HSD17B6: variants seen among roughly 807,000 people sequenced by gnomAD.
HSD17B6 encodes the protein hydroxysteroid 17-beta dehydrogenase 6.
Under a neutral mutation model 26.4 loss-of-function variants are expected in HSD17B6, and 16 were observed. That is an observed-to-expected ratio of 0.61 (90% CI 0.41 to 0.92). The LOEUF (loss-of-function observed/expected upper bound fraction) is 0.92. HSD17B6 is among the 40% of genes least tolerant of loss of function. The probability of loss-of-function intolerance (pLI) is 0.00; values close to 1 mark genes in which losing one functional copy is unlikely to be tolerated. For missense variants in HSD17B6, 357 were observed against 386.1 expected (o/e 0.92, Z 0.63); for synonymous variants, 139 against 153.0 (o/e 0.91, Z 0.68).
At chr12:56,775,084 A>T (rs573959353) in intron 2 of HSD17B6, among the ~76,000 whole-genome samples, 1 of 152,378 alleles carries the variant, frequency 6.6e-6, no homozygotes, top group South Asian at 2.1e-4. Flanking sequence ...GACTGTGTGT[A>T]TCAAAGCTGA....
intron 2 of HSD17B6, among the ~76,000 whole-genome samples, chr12:56,780,764 G>T (rs1359856024): frequency 6.6e-6 from 1 of 151,648 alleles, no homozygotes; most frequent in African/African-American, 2.4e-5. Flanking sequence ...CAGGAGAATG[G>T]GGTGAACCCG....
intron 2 of HSD17B6, among the ~76,000 whole-genome samples, chr12:56,777,453 C>T (rs1954617646): frequency 6.7e-6 from 1 of 150,372 alleles, no homozygotes; most frequent in Middle Eastern, 3.6e-3. Flanking sequence ...CAAACTCCGC[C>T]TCCCAGGTTC....
At chr12:56,778,529 G>A (rs1954639819) in intron 2 of HSD17B6, among the ~76,000 whole-genome samples, 1 of 151,932 alleles carries the variant, frequency 6.6e-6, no homozygotes, top group Non-Finnish European at 1.5e-5. Flanking sequence ...CGCCCGCCTC[G>A]GCCTCCCAAA....
At position 56,781,981 on chromosome 12, in the gene HSD17B6, G is replaced by A; in HGVS notation, c.321G>A (p.Trp107Ter). The A allele has an allele frequency of 6.2e-6, 10 of 1,613,804 alleles. No individual in the cohort carries two copies. Among genetic ancestry groups the A allele is most frequent in the Non-Finnish European group, 8.5e-6 (10 of 1,179,858 alleles). ...GACTTTTAATTGTTTTAGGACTCTG[G>A]GGACTGGTGAACAATGCAGGCATTC... is the stretch of plus-strand genomic sequence containing the variant. ...VKEHVGDRGL[W>*]GLVNNAGILT... Residue 107 changes from tryptophan (W) to a stop codon, truncating the protein, a stop_gained, in exon 3 of 5, where the codon TGG (tryptophan) becomes TGA (stop). Coordinates refer to ENST00000322165, the MANE Select transcript of HSD17B6 (RefSeq NM_003725.4). LOFTEE classifies it high-confidence loss of function.
chr12:56,782,112 T>C lies in HSD17B6; in HGVS notation c.452T>C (p.Leu151Ser), dbSNP rs771594241. 56 of 1,614,098 alleles carry C rather than the reference T, an allele frequency of 3.5e-5. No homozygotes were observed. The highest frequency in any genetic ancestry group is 4.2e-5 in the Non-Finnish European group (49 of 1,180,054). ...CAGGTGACCTTGAGCATGCTTCCTT[T>C]GGTGAGGAGAGCACGGGGAAGAATT... ...VIQVTLSMLP[L>S]VRRARGRIVN... The change falls in exon 3 of 5, where the codon TTG becomes TCG. Residue 151 changes from leucine to serine, a missense_variant. Coordinates refer to ENST00000322165, the MANE Select transcript of HSD17B6 (RefSeq NM_003725.4).
Position 56,787,220 on chromosome 12 carries a change from C to G in HSD17B6, c.832C>G (p.Arg278Gly), listed in dbSNP as rs370623268. ...ACATGCTCTGACATCGGTGCATCCG[C>G]GAACTCGATATTCAGCTGGCTGGGA... Reference protein sequence around the residue: ...MEHALTSVHPRTRYSAGWDAK... With the variant: ...MEHALTSVHPGTRYSAGWDAK... Residue 278 changes from arginine to glycine, a missense_variant, in exon 5 of 5, where the codon CGA becomes GGA. Arg to Gly is a moderately radical substitution (Grantham distance 125). Transcript: ENST00000322165. The G allele has an allele frequency of 6.2e-7, 1 of 1,614,134 alleles. No individual in the cohort carries two copies. The highest frequency in any genetic ancestry group is 1.1e-5 in the South Asian group (1 of 91,086).
intron 1 of HSD17B6, among the ~76,000 whole-genome samples, chr12:56,767,574 C>T (rs1358903076): frequency 6.9e-6 from 1 of 143,972 alleles, no homozygotes; most frequent in East Asian, 2.0e-4. Flanking sequence ...CATATACCCT[C>T]TATTGTGTAT....
At chr12:56,767,661 T>C (rs1424027586) in intron 1 of HSD17B6, among the ~76,000 whole-genome samples, 2 of 144,664 alleles carry the variant, frequency 1.4e-5, no homozygotes, top group Non-Finnish European at 3.0e-5. Flanking sequence ...ATATTATATA[T>C]ATAGTGTATA....
rs1954738948 is a variant in HSD17B6 at position 56,782,336 on chromosome 12, A to G, written c.572+104A>G. On this transcript the variant is annotated intron_variant, in intron 3 of 4. Transcript: ENST00000322165. The stretch of plus-strand genomic sequence containing the variant: ...TTATTTCATCACTCCTCAAATCTTG[A>G]TACATAGATATTATTACTAGTCTAT... 3.2e-5 allele frequency: 33 copies of G among 1,046,684 alleles called. No homozygotes were observed. In the South Asian group the frequency reaches 5.3e-4, roughly 17 times the overall value. 64.8% of individuals were successfully genotyped at this position (1,046,684 alleles called of 1,614,324 possible). A position where few individuals can be genotyped will look rare whatever the true frequency, so the allele number is the denominator to read the frequency against.
At chr12:56,780,281 G>C (rs1169467582) in intron 2 of HSD17B6, among the ~76,000 whole-genome samples, 1 of 152,180 alleles carries the variant, frequency 6.6e-6, no homozygotes, top group Non-Finnish European at 1.5e-5. Flanking sequence ...CTCCCCATCT[G>C]ATTGGGAATA....
chr12:56,783,482 G>A (rs1400915636), intron 3 of HSD17B6, among the ~76,000 whole-genome samples: 2 of 145,202 alleles, frequency 1.4e-5, no homozygotes, highest in African/African-American at 2.6e-5. Flanking sequence ...GCAGCTGGCC[G>A]GGCGGGGAGC....
chr12:56,772,553 C>T (rs535289415), intron 1 of HSD17B6, among the ~76,000 whole-genome samples: 14 of 151,666 alleles, frequency 9.2e-5, no homozygotes, highest in Middle Eastern at 3.4e-3. Context: ...AAAATTAGCC[C>T]GGCTTGGTGG....
intron 2 of HSD17B6, among the ~76,000 whole-genome samples, chr12:56,779,373 A>G (rs1954663941): frequency 6.6e-6 from 1 of 152,108 alleles, no homozygotes; most frequent in South Asian, 2.1e-4. Flanking sequence ...CCTGGTCTCA[A>G]GTGATCTTAA....
At chr12:56,785,790 G>A (rs780087844) in intron 4 of HSD17B6, 6 of 172,922 alleles carry the variant, frequency 3.5e-5, no homozygotes, top group Non-Finnish European at 6.9e-5. Flanking sequence ...CACAAACTAT[G>A]TGTCTTAATG....
chr12:56,774,127 C>T lies in HSD17B6; in HGVS notation c.275C>T (p.Ala92Val), dbSNP rs1456131735. ...GTTACCAAGATGGAGAGCATCGCTG[C>T]AGCTACTCAGTGGGTGAAGGAGCAT... ...LDVTKMESIA[A>V]ATQWVKEHVG... The change falls in exon 2 of 5, where the codon GCA (alanine) becomes GTA (valine). Residue 92 changes from alanine to valine, a missense_variant. Ala to Val is a moderately conservative substitution (Grantham distance 64). Coordinates refer to ENST00000322165, the MANE Select transcript of HSD17B6 (RefSeq NM_003725.4). 1 of 1,595,940 alleles carries T rather than the reference C, an allele frequency of 6.3e-7. No homozygotes were observed. Among genetic ancestry groups the T allele is most frequent in the East Asian group, 2.2e-5 (1 of 44,648 alleles).
chr12:56,765,662 C>T (rs1954311246), intron 1 of HSD17B6, among the ~76,000 whole-genome samples: 1 of 151,636 alleles, frequency 6.6e-6, no homozygotes, highest in Non-Finnish European at 1.5e-5. Flanking sequence ...CAGGCACTCC[C>T]CACCATGCCT....
At chr12:56,771,807 C>T (rs951600886) in intron 1 of HSD17B6, among the ~76,000 whole-genome samples, 1 of 152,066 alleles carries the variant, frequency 6.6e-6, no homozygotes. Context: ...CTTTGTGTCG[C>T]TACCCAAATC....
intron 1 of HSD17B6, among the ~76,000 whole-genome samples, chr12:56,764,159 A>G (rs1954273539): frequency 6.6e-6 from 1 of 152,046 alleles, no homozygotes; most frequent in East Asian, 1.9e-4. Context: ...GACTTGAGGA[A>G]TACTTAGCCT....
chr12:56,767,954 CAT>C (rs558910714), intron 1 of HSD17B6, among the ~76,000 whole-genome samples: 123 of 150,004 alleles, frequency 8.2e-4, no homozygotes, highest in African/African-American at 1.4e-3. Context: ...TGTGTGAAAC[CAT>C]GTGTGTGTGT....
Sources: gnomAD v4.1 joint callset for allele counts (sites outside exome capture counted in the v4.1 genomes callset) on GRCh38, gnomAD v4.1.1 for gene constraint, MANE v1.5 for transcripts, NCBI Gene and HGNC (gene_info 2026-07-23, HGNC 2026-07-21) for gene names.